Variants in BRI3 observed in about 807,000 individuals in gnomAD.
BRI3 encodes brain protein I3, also known as membrane protein BRI3.
Under a neutral mutation model 12.8 loss-of-function variants are expected in BRI3, and 6 were observed. The ratio of observed to expected loss-of-function variants is 0.47; its 90% CI spans 0.26 to 0.93. BRI3 has a LOEUF of 0.93. Among genes scored for constraint, BRI3 ranks in the 40% least tolerant of loss-of-function variants. The probability of loss-of-function intolerance (pLI) is 0.15; values close to 1 mark genes in which losing one functional copy is unlikely to be tolerated. For missense variants in BRI3, 134 were observed against 171.1 expected (o/e 0.78, Z 1.21); for synonymous variants, 91 against 76.1 (o/e 1.20, Z -1.02).
chr7:98,291,559 G>C (rs34534766), downstream of BRI3: 522,782 of 1,122,130 alleles, frequency 0.47, 126,155 homozygotes, highest in Middle Eastern at 0.51. Context: ...TGCTTTCAGA[G>C]ACCCAGGAAA....
At chr7:98,288,923 G>A (rs1012272248) in intron 2 of BRI3, among the ~76,000 whole-genome samples, 2 of 151,978 alleles carry the variant, frequency 1.3e-5, no homozygotes, top group African/African-American at 2.4e-5. Flanking sequence ...ACCTCCCTGA[G>A]TAGGCTAGAG....
chr7:98,321,979 C>G, the BRI3 span, among the ~76,000 whole-genome samples: 1 of 152,036 alleles, frequency 6.6e-6, no homozygotes, highest in Admixed American at 6.6e-5. Context: ...GCCTGTAATC[C>G]CAGCTACTTG....
the BRI3 span, among the ~76,000 whole-genome samples, chr7:98,322,427 C>T: frequency 2.0e-5 from 3 of 152,166 alleles, no homozygotes; most frequent in African/African-American, 7.2e-5. Flanking sequence ...CTAATTCCAG[C>T]TCTCAGCTGC....
chr7:98,306,972 G>A (rs959834256), intron 1 of BRI3: 2 of 161,726 alleles, frequency 1.2e-5, no homozygotes, highest in African/African-American at 4.8e-5. Context: ...AATCTGTCTA[G>A]AAAACTGACA....
downstream of BRI3, chr7:98,293,602 G>A: frequency 6.2e-7 from 1 of 1,612,424 alleles, no homozygotes; most frequent in South Asian, 1.1e-5. Flanking sequence ...CTCCGCTGCA[G>A]GGGATAAGAA....
At position 98,283,401 on chromosome 7, in the gene BRI3, A is replaced by G. The variant is rs1378503220; in HGVS notation, c.245+948A>G. 5.3e-5 allele frequency among the ~76,000 whole-genome samples: 8 copies of G among 152,314 alleles called. No individual in the cohort carries two copies. In the South Asian group the frequency reaches 8.3e-4, roughly 16 times the overall value. ...GGAAGGGCAACCTAGAGGTGGGGAC[A>G]AGAGGCTGGGACCTCGGGGGCAGGT... On this transcript the variant is annotated intron_variant, in intron 2 of 2. Coordinates refer to ENST00000297290, the MANE Select transcript of BRI3 (RefSeq NM_015379.5).
chr7:98,310,699 T>TATTTATTC (rs1457153467), downstream of BRI3: 5 of 930,166 alleles, frequency 5.4e-6, no homozygotes, highest in African/African-American at 1.7e-5. Flanking sequence ...TTTATTTATT[T>TATTTATTC]ATTTTGAGAC....
exon 2 of BRI3, chr7:98,308,362 C>T (rs1410485397): frequency 2.2e-6 from 1 of 444,766 alleles, no homozygotes; most frequent in South Asian, 1.6e-5. Flanking sequence ...ATGCTGGCCG[C>T]TCAGCTTCTC....
At chr7:98,299,138 C>T (rs1002067185) in intron 1 of BRI3, among the ~76,000 whole-genome samples, 1 of 152,254 alleles carries the variant, frequency 6.6e-6, no homozygotes, top group Admixed American at 6.5e-5. Context: ...GCCTCAGCCT[C>T]CCGAGTAGCT....
chr7:98,318,408 C>T, the BRI3 span, among the ~76,000 whole-genome samples: 1 of 151,882 alleles, frequency 6.6e-6, no homozygotes, highest in African/African-American at 2.4e-5. Context: ...TGTGCCTCAG[C>T]CTCTCCAGTA....
At chr7:98,300,420 A>G (rs1800372978) in intron 1 of BRI3, among the ~76,000 whole-genome samples, 1 of 152,246 alleles carries the variant, frequency 6.6e-6, no homozygotes, top group African/African-American at 2.4e-5. Context: ...TGCGGGTGAC[A>G]GTTGCAGTCC....
chr7:98,282,101 C>T (rs1026033199), intron 1 of BRI3, among the ~76,000 whole-genome samples, 164 bp downstream of exon 1: 1 of 152,140 alleles, frequency 6.6e-6, no homozygotes, highest in Non-Finnish European at 1.5e-5. Context: ...CAGCCTCCCC[C>T]CCGGGGCTCT....
the BRI3 span, chr7:98,319,918 C>T: frequency 3.2e-4 from 233 of 731,250 alleles, no homozygotes; most frequent in East Asian, 5.5e-3. Context: ...GAGAGCTTGT[C>T]GGTTTCATGC....
downstream of BRI3, among the ~76,000 whole-genome samples, chr7:98,310,814 G>A (rs886269604): frequency 4.6e-5 from 7 of 152,088 alleles, no homozygotes; most frequent in Admixed American, 2.0e-4. Context: ...AGCCTCTTGA[G>A]TAGCTGGATA....
downstream of BRI3, among the ~76,000 whole-genome samples, chr7:98,311,174 A>T (rs1477952085): frequency 6.6e-6 from 1 of 152,174 alleles, no homozygotes; most frequent in Non-Finnish European, 1.5e-5. Flanking sequence ...ATGCCATCAG[A>T]GTGTGTCTAA....
At chr7:98,286,284 C>T (rs552228708) in intron 2 of BRI3, among the ~76,000 whole-genome samples, 1 of 152,318 alleles carries the variant, frequency 6.6e-6, no homozygotes, top group African/African-American at 2.4e-5. Flanking sequence ...CTTGGTGAGG[C>T]GGGAGCCCCG....
upstream of BRI3, chr7:98,306,405 G>A: frequency 6.2e-7 from 1 of 1,611,960 alleles, no homozygotes. Flanking sequence ...AGGGGTTTCT[G>A]TCACCGGGAG....
exon 2 of BRI3, chr7:98,307,742 G>A: frequency 1.2e-6 from 2 of 1,614,242 alleles, no homozygotes; most frequent in Admixed American, 1.7e-5. Flanking sequence ...CCTCGGGGAT[G>A]AGCAGCGTGA....
At chr7:98,312,612 G>C (rs1288225114), downstream of BRI3, among the ~76,000 whole-genome samples, 1 of 152,118 alleles carries the variant, frequency 6.6e-6, no homozygotes, top group Non-Finnish European at 1.5e-5. Flanking sequence ...CCCCAGAAAC[G>C]CCAACCATCA....
Sources: allele counts gnomAD v4.1 joint callset (sites outside exome capture counted in the v4.1 genomes callset), GRCh38; gene constraint gnomAD v4.1.1; transcripts MANE v1.5; gene names NCBI Gene and HGNC (gene_info 2026-07-23, HGNC 2026-07-21).